CDH13: variants seen among roughly 807,000 people sequenced by gnomAD.
The protein encoded by CDH13 is cadherin-13.
A neutral mutation model predicts 63.8 loss-of-function variants in CDH13; 24 were observed. That is an observed-to-expected ratio of 0.38 (90% confidence interval 0.27 to 0.53). The LOEUF (loss-of-function observed/expected upper bound fraction) is 0.53. Ranked by LOEUF, CDH13 falls within the 20% of genes least tolerant of loss-of-function variation. The probability of loss-of-function intolerance (pLI) is 0.85; values close to 1 mark genes in which losing one functional copy is unlikely to be tolerated. For synonymous variants in CDH13, 503 were observed against 355.3 expected (o/e 1.42, Z -4.67); for missense variants, 1,049 against 903.1 (o/e 1.16, Z -2.07).
chr16:82,639,580 C>G lies in CDH13; in HGVS notation c.45+12443C>G, dbSNP rs986454944. The G allele has an allele frequency of 4.4e-6, 3 of 687,520 alleles. No homozygotes were observed. The African/African-American group carries it at 5.3e-5, about 12-fold the overall frequency. The allele number at this position is 687,520 out of a possible 1,614,324, so 42.6% of individuals were successfully genotyped here. A position where few individuals can be genotyped will look rare whatever the true frequency, so the allele number is the denominator to read the frequency against. On this transcript the variant is annotated intron_variant, in intron 1 of 13. Transcript: ENST00000567109. ...GCAAGCTACTCTTTGTAATTCTTTC[C>G]CCAAACAAAAAGAAAACAAGAAATA...
intron 4 of CDH13, among the ~76,000 whole-genome samples, chr16:83,197,935 G>C (rs746536704): frequency 2.0e-5 from 3 of 152,080 alleles, no homozygotes; most frequent in Non-Finnish European, 2.9e-5. Context: ...TTTAACATTA[G>C]GGAAACTGGG....
rs1345751461 is a variant in CDH13, at chr16:82,810,673, G to A, written c.46-47689G>A. On this transcript the variant is annotated intron_variant, in intron 1 of 13. Transcript: ENST00000567109. ...CATGGCTGGTCAAGGGATTACCAGA[G>A]AAGATTTTCAAGTACATGGGATTGG... Among the ~76,000 whole-genome samples the A allele has an allele frequency of 1.1e-4, 17 of 152,282 alleles. No homozygotes were observed. The South Asian group carries it at 3.5e-3, about 32-fold the overall frequency.
intron 6 of CDH13, among the ~76,000 whole-genome samples, chr16:83,386,328 C>A (rs886653997): frequency 6.6e-6 from 1 of 152,140 alleles, no homozygotes; most frequent in Non-Finnish European, 1.5e-5. Context: ...AAGGGATAGG[C>A]GTCCCAGGAT....
At chr16:83,022,856 G>A (rs1008747753) in intron 2 of CDH13, among the ~76,000 whole-genome samples, 3 of 152,168 alleles carry the variant, frequency 2.0e-5, no homozygotes, top group Admixed American at 6.5e-5. Context: ...ATTGGCCCAA[G>A]CACGCTTATA....
Position 83,787,517 on chromosome 16 carries a change from C to T in CDH13, c.2134+4045C>T, listed in dbSNP as rs946170601. Among the ~76,000 whole-genome samples the T allele has an allele frequency of 4.6e-5, 7 of 152,158 alleles. No homozygotes were observed. In the South Asian group the frequency reaches 8.3e-4, roughly 18 times the overall value. ...GGATTCCCTTATCAGCAGACACATT[C>T]GAATCATTTACTATGACCAACGCTA... On this transcript the variant is annotated intron_variant, in intron 13 of 13. Transcript: ENST00000567109.
At chr16:82,832,386 A>C (rs2038581628) in intron 1 of CDH13, among the ~76,000 whole-genome samples, 1 of 152,184 alleles carries the variant, frequency 6.6e-6, no homozygotes, top group African/African-American at 2.4e-5. Flanking sequence ...GTTTTACAGC[A>C]AGTAGGTACT....
chr16:82,972,128 G>T (rs1003622567), intron 2 of CDH13, among the ~76,000 whole-genome samples: 33 of 152,096 alleles, frequency 2.2e-4, no homozygotes, highest in Non-Finnish European at 3.5e-4. Context: ...TCCCAAAATT[G>T]AAATTTGGGG....
intron 5 of CDH13, among the ~76,000 whole-genome samples, chr16:83,244,882 G>A (rs1426799437): frequency 1.3e-5 from 2 of 152,066 alleles, no homozygotes; most frequent in Admixed American, 6.6e-5. Flanking sequence ...GGTCACATAG[G>A]CACCCTTTGC....
At chr16:83,081,918 A>T (rs1174940139) in intron 3 of CDH13, among the ~76,000 whole-genome samples, 1 of 151,862 alleles carries the variant, frequency 6.6e-6, no homozygotes, top group African/African-American at 2.4e-5. Flanking sequence ...CTCCTGCCTC[A>T]GGCTCCCAAA....
In CDH13 at chr16:83,198,156, A is replaced by G. The variant is rs74031463; in HGVS notation, c.484-19189A>G. Among the ~76,000 whole-genome samples the G allele has an allele frequency of 3.0e-3, 461 of 152,252 alleles. 5 individuals are homozygous for G. Among genetic ancestry groups the G allele is most frequent in the African/African-American group, 0.011 (447 of 41,548 alleles). On this transcript the variant is annotated intron_variant, in intron 4 of 13. Coordinates refer to ENST00000567109, the MANE Select transcript of CDH13 (RefSeq NM_001257.5). ...CTCTGCCAGGATTTTCCTAGTGAGC[A>G]TGTGTTAGTTTTGTAAAGAGGAAAA...
chr16:82,931,760 T>A (rs1372955490), intron 2 of CDH13, among the ~76,000 whole-genome samples: 2 of 151,992 alleles, frequency 1.3e-5, no homozygotes, highest in Non-Finnish European at 2.9e-5. Flanking sequence ...TATAGAAACA[T>A]CAGATCTCAT....
chr16:83,332,878 C>T (rs529477351), intron 5 of CDH13, among the ~76,000 whole-genome samples: 1 of 151,966 alleles, frequency 6.6e-6, no homozygotes, highest in Non-Finnish European at 1.5e-5. Context: ...AGCGTGCATA[C>T]ACATAAGAAA....
chr16:83,175,821 C>CTTTTTTT (rs762355886), intron 4 of CDH13, among the ~76,000 whole-genome samples: 12 of 90,018 alleles, frequency 1.3e-4, no homozygotes, highest in African/African-American at 1.9e-4. Context: ...TTTCAACCTG[C>CTTTTTTT]TTTTTTTTTT....
chr16:82,658,998 T>C (rs552518063), intron 1 of CDH13, among the ~76,000 whole-genome samples: 1 of 152,016 alleles, frequency 6.6e-6, no homozygotes, highest in Non-Finnish European at 1.5e-5. Context: ...CTGACTCTAA[T>C]CCCCTCCTGG....
Position 83,322,934 on chromosome 16 carries a change from C to G in CDH13, c.637-21928C>G, listed in dbSNP as rs116334526. Among the ~76,000 whole-genome samples, 626 of 152,206 alleles carry G rather than the reference C, an allele frequency of 4.1e-3. 4 individuals are homozygous for G. The highest frequency in any genetic ancestry group is 0.014 in the African/African-American group (600 of 41,538). ...ATTGATACTGAGTGTTTATCGTTGA[C>G]TTTTAATTCTGAGAAACCTGGCATC... On this transcript the variant is annotated intron_variant, in intron 5 of 13. Coordinates refer to ENST00000567109, the MANE Select transcript of CDH13 (RefSeq NM_001257.5).
intron 4 of CDH13, among the ~76,000 whole-genome samples, chr16:83,146,046 T>A (rs1394144049): frequency 6.6e-6 from 1 of 151,834 alleles, no homozygotes; most frequent in African/African-American, 2.4e-5. Context: ...ACACAAAAAA[T>A]TAGCCAGACA....
At chr16:82,808,598 A>G (rs1160195628) in intron 1 of CDH13, among the ~76,000 whole-genome samples, 2 of 152,216 alleles carry the variant, frequency 1.3e-5, no homozygotes, top group Non-Finnish European at 2.9e-5. Context: ...CTTGCAGTAT[A>G]AAAATAGTTA....
chr16:82,915,865 G>A (rs2041971690), intron 2 of CDH13, among the ~76,000 whole-genome samples: 1 of 149,720 alleles, frequency 6.7e-6, no homozygotes, highest in African/African-American at 2.5e-5. Flanking sequence ...CATCAGAAGG[G>A]GAACTGCTAT....
At chr16:82,711,301 T>G (rs2031923312) in intron 1 of CDH13, among the ~76,000 whole-genome samples, 1 of 152,034 alleles carries the variant, frequency 6.6e-6, no homozygotes, top group African/African-American at 2.4e-5. Flanking sequence ...AAGGATAGAG[T>G]CTTAGAATCT....
Sources: allele counts gnomAD v4.1 joint callset (sites outside exome capture counted in the v4.1 genomes callset), GRCh38; gene constraint gnomAD v4.1.1; transcripts MANE v1.5; gene names NCBI Gene and HGNC (gene_info 2026-07-23, HGNC 2026-07-21).